Variants in AGAP4 observed in about 807,000 individuals in gnomAD.
AGAP4 encodes the protein arf-GAP with GTPase, ANK repeat and PH domain-containing protein 4.
Under a neutral mutation model 60.7 loss-of-function variants are expected in AGAP4, and 13 were observed. The observed-to-expected ratio is 0.21, with a 90% CI of 0.14 to 0.34. The LOEUF (loss-of-function observed/expected upper bound fraction) is 0.34, where lower values mean the gene tolerates loss of function less well. Among genes scored for constraint, AGAP4 ranks in the 10% least tolerant of loss-of-function variants. The pLI is 1.00. For synonymous variants in AGAP4, 70 were observed against 339.0 expected (o/e 0.21, Z 8.72); for missense variants, 169 against 884.0 (o/e 0.19, Z 10.26).
intron 5 of AGAP4, among the ~76,000 whole-genome samples, chr10:45,831,851 T>G (rs1482648983): frequency 1.4e-5 from 2 of 143,520 alleles, no homozygotes; most frequent in African/African-American, 5.1e-5. Flanking sequence ...GCGATTCTCA[T>G]GCCTCAGCCT....
intron 1 of AGAP4, among the ~76,000 whole-genome samples, 158 bp downstream of exon 1, chr10:45,846,967 G>A (rs1366317151): frequency 1.9e-3 from 282 of 151,832 alleles, no homozygotes; most frequent in African/African-American, 6.0e-3. Flanking sequence ...TAAGGGGTGG[G>A]AATTCAAGGC....
At chr10:45,834,988 T>C (rs1159688194) in intron 4 of AGAP4, among the ~76,000 whole-genome samples, 4 of 146,546 alleles carry the variant, frequency 2.7e-5, no homozygotes, top group African/African-American at 5.4e-5. Flanking sequence ...TTAGCCAGGA[T>C]GGTCTCGATC....
At chr10:45,841,230 G>C (rs1247240058) in intron 4 of AGAP4, among the ~76,000 whole-genome samples, 5 of 130,474 alleles carry the variant, frequency 3.8e-5, no homozygotes, top group South Asian at 6.3e-4. Context: ...AGCCTCCTGA[G>C]TAGCTGAGAT....
At chr10:45,849,901 C>T (rs1398191438), upstream of AGAP4, among the ~76,000 whole-genome samples, 1 of 150,888 alleles carries the variant, frequency 6.6e-6, no homozygotes, top group African/African-American at 2.4e-5. Flanking sequence ...AGCCACCGTG[C>T]CCAGCCAGAT....
At chr10:45,838,834 G>C (rs1388263031) in intron 4 of AGAP4, among the ~76,000 whole-genome samples, 2 of 151,224 alleles carry the variant, frequency 1.3e-5, no homozygotes, top group Admixed American at 1.3e-4. Flanking sequence ...CTAACACTTT[G>C]GGCATTCAGG....
chr10:45,853,833 A>G (rs2059111052), exon 1 of AGAP4: 2 of 1,281,858 alleles, frequency 1.6e-6, no homozygotes, highest in Non-Finnish European at 2.0e-6. Context: ...TCCTCTGCAG[A>G]TGGGTCTATT....
intron 3 of AGAP4, 137 bp from the exon 4 acceptor site, chr10:45,841,824 A>G (rs1389314653): frequency 4.9e-5 from 45 of 914,110 alleles, no homozygotes; most frequent in African/African-American, 4.6e-4. Flanking sequence ...AATAACATAT[A>G]ATTTAAATTA....
At position 45,831,379 on chromosome 10, in the gene AGAP4, T is replaced by C; in HGVS notation, c.533+15A>G. The C allele has an allele frequency of 6.3e-7, 1 of 1,583,418 alleles. No individual in the cohort carries two copies. Among genetic ancestry groups the C allele is most frequent in the Non-Finnish European group, 8.5e-7 (1 of 1,169,890 alleles). On this transcript the variant is annotated intron_variant, in intron 6 of 7. Transcript: ENST00000616763. ...ACTTAGCTAGAATAACAAGACAGGT[T>C]TCTAAAAAGCTCACCTTTGTGTGAT...
Position 45,844,913 on chromosome 10 carries a change from T to A in AGAP4, c.293-519A>T, listed in dbSNP as rs1459118627. 4.1e-5 allele frequency among the ~76,000 whole-genome samples: 5 copies of A among 121,744 alleles called. 1 individual carries two copies. The highest frequency in any genetic ancestry group is 1.6e-4 in the Admixed American group (2 of 12,824). 79.9% of individuals were successfully genotyped at this position (121,744 alleles called of 152,430 possible). ...AGCTGTCTTCCATAGTCATGTGATA[T>A]CTCTAAGTTTTCATTTCTTCGTTAG... On this transcript the variant is annotated intron_variant, in intron 2 of 7. Coordinates refer to ENST00000616763, the MANE Select transcript of AGAP4 (RefSeq NM_001276343.3).
chr10:45,852,304 A>G (rs1292135251), upstream of AGAP4, among the ~76,000 whole-genome samples: 98 of 144,734 alleles, frequency 6.8e-4, no homozygotes, highest in African/African-American at 2.3e-3. Context: ...ACAACTAACT[A>G]AAAAAAGCCT....
At chr10:45,850,009 C>T (rs1334730426), upstream of AGAP4, among the ~76,000 whole-genome samples, 2 of 151,354 alleles carry the variant, frequency 1.3e-5, no homozygotes, top group African/African-American at 4.9e-5. Flanking sequence ...CTGCAACCTC[C>T]ACCTCCTGGG....
chr10:45,838,732 G>A (rs1482979781), intron 4 of AGAP4, among the ~76,000 whole-genome samples: 3 of 151,400 alleles, frequency 2.0e-5, no homozygotes, highest in Admixed American at 6.6e-5. Flanking sequence ...CACCAGGCCT[G>A]GCTAATTTGT....
At chr10:45,840,090 C>G (rs2058893236) in intron 4 of AGAP4, among the ~76,000 whole-genome samples, 1 of 148,828 alleles carries the variant, frequency 6.7e-6, no homozygotes, top group African/African-American at 2.5e-5. Flanking sequence ...TTAGTAGCCT[C>G]AATAAAATGA....
At chr10:45,849,029 C>T (rs1361841528), upstream of AGAP4, 6 of 148,592 alleles carry the variant, frequency 4.0e-5, no homozygotes, top group South Asian at 1.4e-3. Context: ...AGTTTGAGAC[C>T]AGCCTAGCTA....
chr10:45,831,430 C>T lies in AGAP4; in HGVS notation c.498-1G>A. On this transcript the variant is annotated splice_acceptor_variant, in intron 5 of 7. Transcript: ENST00000616763. LOFTEE classifies it high-confidence loss of function. ...ATGATGAGGTATCTCCAAGGTCACACTGTGGAAGGAAAAAAATTCATAACA... is the reference window on the plus strand; with the variant it reads ...ATGATGAGGTATCTCCAAGGTCACATTGTGGAAGGAAAAAAATTCATAACA... 1.3e-6 allele frequency: 2 copies of T among 1,587,930 alleles called. No homozygotes were observed. Among genetic ancestry groups the T allele is most frequent in the Non-Finnish European group, 1.7e-6 (2 of 1,171,780 alleles).
chr10:45,849,473 G>GATTCTTATTATTATTATT (rs1554900084), upstream of AGAP4, among the ~76,000 whole-genome samples: 1 of 145,106 alleles, frequency 6.9e-6, no homozygotes, highest in Admixed American at 7.0e-5. Flanking sequence ...TGATGATGAT[G>GATTCTTATTATTATTATT]ATTATTATTA....
chr10:45,839,287 G>C (rs2058878987), intron 4 of AGAP4, among the ~76,000 whole-genome samples: 1 of 115,558 alleles, frequency 8.7e-6, no homozygotes, highest in Non-Finnish European at 1.9e-5. Flanking sequence ...GGCAGGTTGT[G>C]AACTTACAGG....
upstream of AGAP4, chr10:45,854,092 C>T: frequency 3.3e-6 from 1 of 305,876 alleles, no homozygotes. Flanking sequence ...AAGCAGGTAA[C>T]TCTATTTATT....
At chr10:45,847,070 G>T (rs1299124012) in intron 1 of AGAP4, 55 bp downstream of exon 1, 21 of 1,597,196 alleles carry the variant, frequency 1.3e-5, no homozygotes, top group Non-Finnish European at 1.7e-5. Context: ...GGAACCTTGG[G>T]GACAGTAGCA....
Sources: gnomAD v4.1 joint callset for allele counts (sites outside exome capture counted in the v4.1 genomes callset) on GRCh38, gnomAD v4.1.1 for gene constraint, MANE v1.5 for transcripts, NCBI Gene and HGNC (gene_info 2026-07-23, HGNC 2026-07-21) for gene names.